The following LPIN1 variants were observed in gnomAD, a reference collection of about 807,000 sequenced individuals.
LPIN1 encodes the protein lipin 1.
LPIN1 carries 71 observed loss-of-function variants against 107.5 expected under a neutral mutation model. The ratio of observed to expected loss-of-function variants is 0.66; its 90% CI spans 0.55 to 0.80. The LOEUF (loss-of-function observed/expected upper bound fraction) is 0.80. Among genes scored for constraint, LPIN1 ranks in the 30% least tolerant of loss-of-function variants. The probability of loss-of-function intolerance (pLI) is 0.00; values close to 1 mark genes in which losing one functional copy is unlikely to be tolerated. For synonymous variants in LPIN1, 445 were observed against 452.6 expected (o/e 0.98, Z 0.21); for missense variants, 1,043 against 1,160.6 (o/e 0.90, Z 1.47).
chr2:11,697,228 G>A lies in LPIN1; in HGVS notation c.82-16528G>A, dbSNP rs765209760. 5.3e-5 allele frequency among the ~76,000 whole-genome samples: 8 copies of A among 152,220 alleles called. No homozygotes were observed. Among genetic ancestry groups the A allele is most frequent in the Admixed American group, 1.3e-4 (2 of 15,292 alleles). On this transcript the variant is annotated intron_variant, in intron 1 of 21. Coordinates refer to the LPIN1 transcript ENST00000449576. This position sits in a 1 kb window ranked among gnomAD's most constrained non-coding sequence, Gnocchi z 4.6. ...GGCAGCCCTGCAATCGGAGGGCTGC[G>A]TGCTCCCCCTGATCAGCCCCCAGCT...
rs750123376 is a variant in LPIN1 at position 11,802,897 on chromosome 2, T to C, written c.1887-10T>C. 1 of 1,612,802 alleles carries C rather than the reference T, an allele frequency of 6.2e-7. No individual in the cohort carries two copies. The highest frequency in any genetic ancestry group is 8.5e-7 in the Non-Finnish European group (1 of 1,179,994). On this transcript the variant is annotated splice_polypyrimidine_tract_variant and intron_variant, in intron 14 of 20. Transcript: ENST00000674199. Reference sequence around the variant, plus strand: ...TTTCTAATTGGTGATGACATCACTGTGTGTTCCAGGGTAAAGCATGAATCA... The same window carrying C: ...TTTCTAATTGGTGATGACATCACTGCGTGTTCCAGGGTAAAGCATGAATCA...
chr2:11,717,158 T>C (rs536478001), intron 2 of LPIN1, among the ~76,000 whole-genome samples: 1 of 152,318 alleles, frequency 6.6e-6, no homozygotes, highest in East Asian at 1.9e-4. Flanking sequence ...GCTGGTTCTA[T>C]AGAATCAACT....
At chr2:11,696,461 A>G (rs1318789102) in intron 1 of LPIN1, among the ~76,000 whole-genome samples, 1 of 152,172 alleles carries the variant, frequency 6.6e-6, no homozygotes, top group Non-Finnish European at 1.5e-5. Context: ...GTCCATAGGT[A>G]CATATAGTCT....
chr2:11,786,929 C>T lies in LPIN1; in HGVS notation c.1550-145C>T, dbSNP rs1223744902. The T allele has an allele frequency of 4.3e-6, 3 of 701,046 alleles. No homozygotes were observed. Among genetic ancestry groups the T allele is most frequent in the African/African-American group, 1.8e-5 (1 of 57,128 alleles). The allele number at this position is 701,046 out of a possible 1,614,324, so 43.4% of individuals were successfully genotyped here. ...TCCAGGTAAAATGGTGCGGCCTTTA[C>T]AAATACATTTTATAGGATTGTCTGC... On this transcript the variant is annotated intron_variant, in intron 10 of 20. Transcript: ENST00000674199. This position sits in a 1 kb window ranked among gnomAD's most constrained non-coding sequence, Gnocchi z 4.1.
chr2:11,759,905 C>T (rs1214574048), intron 1 of LPIN1, among the ~76,000 whole-genome samples: 133 of 148,542 alleles, frequency 9.0e-4, no homozygotes, highest in African/African-American at 3.3e-3. Flanking sequence ...CGGGCGGAGA[C>T]GCTCCTCACT....
At chr2:11,681,282 A>C (rs1191572233) in intron 1 of LPIN1, among the ~76,000 whole-genome samples, 1 of 152,080 alleles carries the variant, frequency 6.6e-6, no homozygotes, top group Non-Finnish European at 1.5e-5. Context: ...TGTGTCCCCC[A>C]CCCAAAGCTC....
intron 3 of LPIN1, 95 bp downstream of exon 3, chr2:11,767,953 C>G: frequency 3.6e-6 from 3 of 833,224 alleles, no homozygotes; most frequent in Non-Finnish European, 6.3e-6. Flanking sequence ...AAAGTAATAC[C>G]GGCCGTGGCT....
At chr2:11,763,864 C>T (rs1670257529) in intron 1 of LPIN1, among the ~76,000 whole-genome samples, 1 of 143,290 alleles carries the variant, frequency 7.0e-6, no homozygotes, top group Non-Finnish European at 1.5e-5. Context: ...GTCCTCCAAG[C>T]CCGCCTCCAG....
intron 1 of LPIN1, among the ~76,000 whole-genome samples, chr2:11,748,343 G>A (rs150561953): frequency 6.4e-4 from 97 of 152,322 alleles, no homozygotes; most frequent in East Asian, 3.9e-3. Context: ...GAGATGCGCC[G>A]AGGCCGGCAC....
At chr2:11,737,237 G>C (rs1665878081) in intron 1 of LPIN1, among the ~76,000 whole-genome samples, 1 of 152,120 alleles carries the variant, frequency 6.6e-6, no homozygotes, top group Non-Finnish European at 1.5e-5. Flanking sequence ...ATTAACTCAA[G>C]AAGGATTAAA....
intron 1 of LPIN1, among the ~76,000 whole-genome samples, chr2:11,702,869 A>G (rs1662950144): frequency 6.6e-6 from 1 of 151,968 alleles, no homozygotes; most frequent in Non-Finnish European, 1.5e-5. Flanking sequence ...CTTCTCTCCT[A>G]ACTCTCACGT....
chr2:11,698,946 A>C (rs1290852331), intron 1 of LPIN1, among the ~76,000 whole-genome samples: 1 of 152,218 alleles, frequency 6.6e-6, no homozygotes, highest in Non-Finnish European at 1.5e-5. Context: ...GAGGCCATGA[A>C]TCAAGCTTGG....
At chr2:11,743,727 G>GCTAA (rs1338756924), upstream of LPIN1, among the ~76,000 whole-genome samples, 1 of 152,168 alleles carries the variant, frequency 6.6e-6, no homozygotes, top group Non-Finnish European at 1.5e-5. This position sits in a 1 kb window ranked among gnomAD's most constrained non-coding sequence, Gnocchi z 4.7. Flanking sequence ...CAGTTACAGA[G>GCTAA]CTAACCATGC....
rs1332568835 is a variant in LPIN1, at chr2:11,765,704, A to G, written c.163A>G (p.Met55Val). 3 of 1,612,258 alleles carry G rather than the reference A, an allele frequency of 1.9e-6. No individual in the cohort carries two copies. Among genetic ancestry groups the G allele is most frequent in the South Asian group, 2.2e-5 (2 of 91,006 alleles). ...CSPFHVRFGK[M>V]GVLRSREKVV... ...CCCTTTCCACGTCCGCTTTGGGAAG[A>G]TGGGGGTCCTGCGCTCCCGAGAGAA... The change falls in exon 2 of 21, where the codon ATG (methionine) becomes GTG (valine). Residue 55 changes from methionine (M) to valine (V), a missense_variant. By Grantham distance (21) the Met-to-Val change is conservative. Transcript: ENST00000674199. This position sits in a 1 kb window ranked among gnomAD's most constrained non-coding sequence, Gnocchi z 4.4.
At chr2:11,823,039 G>A (rs1681818296) in intron 20 of LPIN1, 1 of 152,216 alleles carries the variant, frequency 6.6e-6, no homozygotes, top group African/African-American at 2.4e-5. Flanking sequence ...CTCTGGCGCT[G>A]AACTTGGTAT....
chr2:11,778,144 G>GC (rs367855421), intron 6 of LPIN1, among the ~76,000 whole-genome samples: 9 of 151,640 alleles, frequency 5.9e-5, no homozygotes, highest in Non-Finnish European at 1.3e-4. Context: ...ACGTGGGGGG[G>GC]CCCACGTGCC....
chr2:11,747,681 TA>T (rs1667170962), intron 1 of LPIN1, among the ~76,000 whole-genome samples: 1 of 152,232 alleles, frequency 6.6e-6, no homozygotes, highest in Non-Finnish European at 1.5e-5. Flanking sequence ...TTAATGAAAG[TA>T]AGCAGTTGAG....
At chr2:11,804,843 T>C (rs1016928662) in intron 16 of LPIN1, among the ~76,000 whole-genome samples, 1 of 152,116 alleles carries the variant, frequency 6.6e-6, no homozygotes, top group Non-Finnish European at 1.5e-5. Context: ...TTACCTTTGA[T>C]TGAACAAGCC....
chr2:11,742,353 A>AG (rs1400149699), upstream of LPIN1, among the ~76,000 whole-genome samples: 32 of 152,282 alleles, frequency 2.1e-4, no homozygotes, highest in Non-Finnish European at 1.8e-4. Flanking sequence ...TATCTAAGGA[A>AG]GGGGGGACTC....
Sources: gnomAD v4.1 joint callset for allele counts (sites outside exome capture counted in the v4.1 genomes callset) on GRCh38, gnomAD v4.1.1 for gene constraint, Gnocchi (gnomAD v3.1) non-coding constraint, MANE v1.5 for transcripts, NCBI Gene and HGNC (gene_info 2026-07-23, HGNC 2026-07-21) for gene names.